The following MRPL48 variants were observed in gnomAD, a reference collection of about 807,000 sequenced individuals.
MRPL48 encodes the protein large ribosomal subunit protein mL48.
A neutral mutation model predicts 32.9 loss-of-function variants in MRPL48; 16 were observed. The ratio of observed to expected loss-of-function variants is 0.49; its 90% CI spans 0.33 to 0.74. The LOEUF (loss-of-function observed/expected upper bound fraction) is 0.74, where lower values mean the gene tolerates loss of function less well. MRPL48 is among the 30% of genes least tolerant of loss of function. The pLI, the probability that MRPL48 is intolerant of heterozygous loss-of-function variation, is 0.02. For missense variants in MRPL48, 206 were observed against 245.3 expected (o/e 0.84, Z 1.07); for synonymous variants, 94 against 89.2 (o/e 1.05, Z -0.31).
intron 1 of MRPL48, among the ~76,000 whole-genome samples, chr11:73,800,467 G>A (rs1054543406): frequency 1.3e-5 from 2 of 152,098 alleles, no homozygotes; most frequent in African/African-American, 2.4e-5. Flanking sequence ...ACATGCTCTA[G>A]ATTTTGCCCT....
At chr11:73,818,158 G>A (rs1319786792) in intron 3 of MRPL48, among the ~76,000 whole-genome samples, 1 of 152,098 alleles carries the variant, frequency 6.6e-6, no homozygotes, top group African/African-American at 2.4e-5. Context: ...TTACAATGAT[G>A]TTCAGAAAGG....
rs543442562 is a variant in MRPL48, at chr11:73,844,015, A to C, written c.202-792A>C. On this transcript the variant is annotated intron_variant, in intron 4 of 7. Transcript: ENST00000310614. ...AATCGCTTGAACCCGGGAGGTAGAG[A>C]TTGCAGTGAGCTGAGACTGCGCCAT... 1.5e-4 allele frequency among the ~76,000 whole-genome samples: 22 copies of C among 150,796 alleles called. No homozygotes were observed. In the East Asian group the frequency reaches 4.1e-3, roughly 28 times the overall value.
chr11:73,828,995 A>G (rs1397403066), intron 4 of MRPL48, among the ~76,000 whole-genome samples: 1 of 152,148 alleles, frequency 6.6e-6, no homozygotes, highest in Non-Finnish European at 1.5e-5. Flanking sequence ...TTTTAAAAAA[A>G]TGTCTTAGAA....
At chr11:73,815,679 G>GT (rs1049032910) in intron 3 of MRPL48, among the ~76,000 whole-genome samples, 16 of 151,314 alleles carry the variant, frequency 1.1e-4, no homozygotes, top group African/African-American at 1.7e-4. Context: ...TTTTTGTTTT[G>GT]TTTTTTTTAC....
intron 7 of MRPL48, among the ~76,000 whole-genome samples, 152 bp downstream of exon 7, chr11:73,863,413 C>T (rs1445310572): frequency 1.3e-5 from 2 of 152,182 alleles, no homozygotes; most frequent in African/African-American, 4.8e-5. Flanking sequence ...TCTGATGACA[C>T]TGTGATCATT....
At chr11:73,799,031 T>C (rs1339879782) in intron 1 of MRPL48, among the ~76,000 whole-genome samples, 2 of 148,364 alleles carry the variant, frequency 1.3e-5, no homozygotes, top group East Asian at 3.9e-4. Flanking sequence ...AGGAAGGTAG[T>C]GGTGGGCACT....
chr11:73,815,866 G>A (rs999396730), intron 3 of MRPL48, among the ~76,000 whole-genome samples: 13 of 151,112 alleles, frequency 8.6e-5, no homozygotes, highest in Admixed American at 4.0e-4. Flanking sequence ...TGGGACTGAA[G>A]GCCTGTGCCA....
chr11:73,833,571 T>G (rs138828987), intron 4 of MRPL48, among the ~76,000 whole-genome samples: 18 of 152,306 alleles, frequency 1.2e-4, no homozygotes, highest in African/African-American at 3.1e-4. Context: ...AGAAACATAT[T>G]AAATGAATGG....
chr11:73,858,955 T>C (rs17310423), intron 5 of MRPL48, among the ~76,000 whole-genome samples: 8,585 of 152,336 alleles, frequency 0.056, 268 homozygotes, highest in Middle Eastern at 0.11. Context: ...TTGCTGAAGC[T>C]GATTTTAGTA....
intron 6 of MRPL48, 86 bp from the exon 7 acceptor site, chr11:73,863,086 C>A: frequency 8.6e-7 from 1 of 1,162,840 alleles, no homozygotes; most frequent in Non-Finnish European, 1.3e-6. Flanking sequence ...TCTACTGGAG[C>A]TGGCATTTGA....
intron 1 of MRPL48, among the ~76,000 whole-genome samples, chr11:73,792,271 C>T (rs983676901): frequency 1.3e-5 from 2 of 152,164 alleles, no homozygotes; most frequent in Admixed American, 6.5e-5. Context: ...TATTGAATCA[C>T]CTGCAGTTAT....
chr11:73,818,694 T>A (rs1947718932), intron 3 of MRPL48, among the ~76,000 whole-genome samples: 1 of 152,144 alleles, frequency 6.6e-6, no homozygotes, highest in Non-Finnish European at 1.5e-5. Context: ...CTACCCCAAT[T>A]TTTTTCTTTC....
At chr11:73,825,378 C>T (rs1315310718) in intron 3 of MRPL48, among the ~76,000 whole-genome samples, 3 of 151,112 alleles carry the variant, frequency 2.0e-5, no homozygotes, top group Admixed American at 6.6e-5. Context: ...TGTGGTGGCT[C>T]ACACCTGTAA....
chr11:73,790,586 G>T (rs1487860399), intron 1 of MRPL48, among the ~76,000 whole-genome samples: 1 of 150,334 alleles, frequency 6.7e-6, no homozygotes. Flanking sequence ...GGGTTTCACC[G>T]TGTTAGCTAG....
At chr11:73,859,680 TTAAG>T (rs888948604) in intron 5 of MRPL48, among the ~76,000 whole-genome samples, 1 of 152,106 alleles carries the variant, frequency 6.6e-6, no homozygotes, top group Non-Finnish European at 1.5e-5. Context: ...TTTTGGAGTA[TTAAG>T]TATGATTAGA....
At position 73,787,923 on chromosome 11, in the gene MRPL48, A is replaced by G. The variant is rs765545543; in HGVS notation, c.-49A>G. 1.6e-5 allele frequency: 26 copies of G among 1,604,294 alleles called. No individual in the cohort carries two copies. Among genetic ancestry groups the G allele is most frequent in the African/African-American group, 9.4e-5 (7 of 74,652 alleles). Reference sequence around the variant, plus strand: ...TCAGACGCCCTGGGAACGCGGCTGCAGGGTCCGGTCTTCGGTTTGCACAGC... The same window carrying G: ...TCAGACGCCCTGGGAACGCGGCTGCGGGGTCCGGTCTTCGGTTTGCACAGC... On this transcript the variant is annotated 5_prime_UTR_variant, in exon 1 of 8. Transcript: ENST00000310614.
chr11:73,808,418 G>C, intron 3 of MRPL48, 68 bp downstream of exon 3: 1 of 1,484,940 alleles, frequency 6.7e-7, no homozygotes, highest in Non-Finnish European at 9.2e-7. Context: ...TAATAATTTT[G>C]CCTAGAAGGA....
At chr11:73,817,696 C>T (rs1382666658) in intron 3 of MRPL48, 2 of 190,942 alleles carry the variant, frequency 1.0e-5, no homozygotes, top group Non-Finnish European at 2.2e-5. Context: ...GTTCCAAGTC[C>T]CAGAATAACT....
chr11:73,810,602 C>T (rs906413747), intron 3 of MRPL48, among the ~76,000 whole-genome samples: 1 of 149,626 alleles, frequency 6.7e-6, no homozygotes, highest in Admixed American at 6.7e-5. Context: ...GTTACATGTG[C>T]AGAACGTGCA....
Sources: gnomAD v4.1 joint callset for allele counts (sites outside exome capture counted in the v4.1 genomes callset) on GRCh38, gnomAD v4.1.1 for gene constraint, MANE v1.5 for transcripts, NCBI Gene and HGNC (gene_info 2026-07-23, HGNC 2026-07-21) for gene names.